The following C8orf34 variants were observed in gnomAD, a reference collection of about 807,000 sequenced individuals.
C8orf34 encodes uncharacterized protein C8orf34.
A neutral mutation model predicts 68.3 loss-of-function variants in C8orf34; 65 were observed. That is an observed-to-expected ratio of 0.95 (90% confidence interval 0.78 to 1.17). C8orf34 has a LOEUF of 1.17. Ranked by LOEUF, C8orf34 falls within the 50% of genes most tolerant of loss-of-function variation. The probability of loss-of-function intolerance (pLI) is 0.00; values close to 1 mark genes in which losing one functional copy is unlikely to be tolerated. For synonymous variants in C8orf34, 244 were observed against 241.2 expected, an observed-to-expected ratio of 1.01 and a Z score of -0.11; for missense variants, 664 against 655.4, an observed-to-expected ratio of 1.01 and a Z score of -0.14.
At chr8:68,764,161 T>A (rs1823102668) in intron 10 of C8orf34, among the ~76,000 whole-genome samples, 3 of 152,190 alleles carry the variant, frequency 2.0e-5, no homozygotes, top group Non-Finnish European at 4.4e-5. Flanking sequence ...CCCCTTGTGG[T>A]ACAGTGCAGG....
intron 8 of C8orf34, among the ~76,000 whole-genome samples, chr8:68,643,759 A>G (rs181074391): frequency 2.6e-5 from 4 of 152,342 alleles, no homozygotes; most frequent in African/African-American, 9.6e-5. Context: ...ATGTTTCAAC[A>G]TATGAATTTG....
intron 10 of C8orf34, among the ~76,000 whole-genome samples, chr8:68,760,363 G>A (rs894697433): frequency 6.6e-6 from 1 of 152,144 alleles, no homozygotes; most frequent in Non-Finnish European, 1.5e-5. Context: ...AGAGAGACTT[G>A]GAAAATTGAA....
At position 68,534,323 on chromosome 8, in the gene C8orf34, G is replaced by A. The variant is rs773332844; in HGVS notation, c.1105+1174G>A. 10 of 985,164 alleles carry A rather than the reference G, an allele frequency of 1.0e-5. No individual in the cohort carries two copies. In the South Asian group the frequency reaches 1.4e-4, roughly 14 times the overall value. 61.0% of individuals were successfully genotyped at this position (985,164 alleles called of 1,614,324 possible). On this transcript the variant is annotated intron_variant, in intron 7 of 13. Coordinates refer to ENST00000518698, the MANE Select transcript of C8orf34 (RefSeq NM_052958.4). ...CCTCCAAATCATTAACATGGCAGAC[G>A]TGCCCTATGTGGCAGTGGTAGCTTC...
chr8:68,652,631 T>A (rs536484608), intron 8 of C8orf34, among the ~76,000 whole-genome samples: 1 of 152,356 alleles, frequency 6.6e-6, no homozygotes, highest in South Asian at 2.1e-4. Context: ...TTGCATGATA[T>A]CCATTGCATG....
chr8:68,374,343 A>G (rs1310331079), intron 1 of C8orf34, among the ~76,000 whole-genome samples: 1 of 151,988 alleles, frequency 6.6e-6, no homozygotes. Flanking sequence ...GGAGCTTTTA[A>G]CCCTTCATAT....
chr8:68,545,207 G>A (rs1165258698), intron 7 of C8orf34, among the ~76,000 whole-genome samples: 1 of 152,228 alleles, frequency 6.6e-6, no homozygotes, highest in African/African-American at 2.4e-5. Context: ...TCCCGTGGTA[G>A]TGAATAAGTC....
intron 1 of C8orf34, among the ~76,000 whole-genome samples, chr8:68,409,673 A>G (rs1809359559): frequency 6.6e-6 from 1 of 152,044 alleles, no homozygotes; most frequent in Non-Finnish European, 1.5e-5. Context: ...AATTTAGCAT[A>G]GCCTAAATGT....
chr8:68,619,924 A>C (rs764050429), intron 7 of C8orf34, among the ~76,000 whole-genome samples: 3 of 152,208 alleles, frequency 2.0e-5, no homozygotes, highest in Non-Finnish European at 2.9e-5. Flanking sequence ...AAATGTTCTC[A>C]TTTACTCCTC....
intron 12 of C8orf34, among the ~76,000 whole-genome samples, chr8:68,795,267 G>A (rs1447936547): frequency 6.7e-6 from 1 of 148,290 alleles, no homozygotes; most frequent in Non-Finnish European, 1.5e-5. Flanking sequence ...CCGATTAAAA[G>A]TCTTTGTCTG....
At chr8:68,734,304 C>A (rs1585798444) in intron 10 of C8orf34, among the ~76,000 whole-genome samples, 1 of 152,098 alleles carries the variant, frequency 6.6e-6, no homozygotes, top group East Asian at 2.0e-4. Context: ...TAAGGACAGT[C>A]AAATGCAAGC....
chr8:68,633,412 A>T (rs1005315824), intron 7 of C8orf34, among the ~76,000 whole-genome samples: 1 of 152,200 alleles, frequency 6.6e-6, no homozygotes, highest in Non-Finnish European at 1.5e-5. Context: ...GGGGTTGATC[A>T]CATAATATTT....
intron 11 of C8orf34, among the ~76,000 whole-genome samples, chr8:68,779,764 T>C (rs2129528725): frequency 6.6e-6 from 1 of 152,226 alleles, no homozygotes; most frequent in East Asian, 1.9e-4. Context: ...CGTTTTATCA[T>C]TCACGAAGGT....
At chr8:68,465,461 A>G (rs1334102595) in intron 3 of C8orf34, among the ~76,000 whole-genome samples, 1 of 151,654 alleles carries the variant, frequency 6.6e-6, no homozygotes, top group African/African-American at 2.4e-5. Flanking sequence ...GTATATACCC[A>G]AAGGACTATA....
At chr8:68,472,941 T>A (rs951854780) in intron 4 of C8orf34, among the ~76,000 whole-genome samples, 1 of 152,148 alleles carries the variant, frequency 6.6e-6, no homozygotes, top group Admixed American at 6.6e-5. Flanking sequence ...GCTACCATAC[T>A]GGACATCACT....
intron 8 of C8orf34, among the ~76,000 whole-genome samples, chr8:68,646,031 C>A (rs1033659375): frequency 2.0e-5 from 3 of 152,098 alleles, no homozygotes; most frequent in Non-Finnish European, 4.4e-5. Flanking sequence ...ATTCCTCTTC[C>A]TGGGTCTTTA....
intron 5 of C8orf34, among the ~76,000 whole-genome samples, chr8:68,505,291 G>A (rs1207172057): frequency 2.0e-5 from 3 of 152,116 alleles, no homozygotes; most frequent in Non-Finnish European, 4.4e-5. Flanking sequence ...TAATTATGTC[G>A]ATAATGTATT....
intron 4 of C8orf34, among the ~76,000 whole-genome samples, chr8:68,479,658 A>C (rs1026478480): frequency 2.0e-5 from 3 of 152,142 alleles, no homozygotes; most frequent in African/African-American, 7.2e-5. Flanking sequence ...TGGCTTTTTG[A>C]GGGGGATGAA....
chr8:68,533,416 C>T (rs1020916295), intron 7 of C8orf34: 1 of 1,104,738 alleles, frequency 9.1e-7, no homozygotes. Context: ...AAGCGTTATT[C>T]TGTGTGCAAC....
intron 7 of C8orf34, among the ~76,000 whole-genome samples, chr8:68,629,927 A>T (rs1818642409): frequency 6.6e-6 from 1 of 152,116 alleles, no homozygotes. Context: ...AGATAAGAGT[A>T]TAGCAAATAA....
Sources: gnomAD v4.1 joint callset for allele counts (sites outside exome capture counted in the v4.1 genomes callset) on GRCh38, gnomAD v4.1.1 for gene constraint, MANE v1.5 for transcripts, NCBI Gene and HGNC (gene_info 2026-07-23, HGNC 2026-07-21) for gene names.